The following ANO2 variants were observed in gnomAD, a reference collection of about 807,000 sequenced individuals.
The protein encoded by ANO2 is anoctamin 2.
A neutral mutation model predicts 124.2 loss-of-function variants in ANO2; 101 were observed. That is an observed-to-expected ratio of 0.81 (90% CI 0.69 to 0.96). The LOEUF is 0.96. Ranked by LOEUF, ANO2 falls within the 40% of genes least tolerant of loss-of-function variation. The pLI is 0.00. For missense variants in ANO2, 1,293 were observed against 1,274.5 expected (o/e 1.01, Z -0.22); for synonymous variants, 486 against 482.5 (o/e 1.01, Z -0.09).
chr12:5,902,021 G>T (rs1940247256), intron 3 of ANO2, among the ~76,000 whole-genome samples: 1 of 152,198 alleles, frequency 6.6e-6, no homozygotes, highest in Non-Finnish European at 1.5e-5. Context: ...GATACTGCAT[G>T]AGCGAGCAAA....
intron 3 of ANO2, among the ~76,000 whole-genome samples, chr12:5,865,667 G>A (rs530771583): frequency 5.9e-5 from 8 of 134,816 alleles, no homozygotes; most frequent in South Asian, 2.4e-4. Context: ...TCACGCTATC[G>A]TGCATTCACA....
intron 14 of ANO2, among the ~76,000 whole-genome samples, chr12:5,712,951 A>C (rs752741881): frequency 2.0e-5 from 3 of 152,202 alleles, no homozygotes; most frequent in Admixed American, 6.5e-5. Context: ...TTGTGGGTAA[A>C]GCCAAGAAAT....
intron 20 of ANO2, among the ~76,000 whole-genome samples, chr12:5,594,164 A>T (rs1173347957): frequency 6.6e-6 from 1 of 152,210 alleles, no homozygotes; most frequent in African/African-American, 2.4e-5. Context: ...TCTTCCAGAT[A>T]AGATTGCATC....
intron 4 of ANO2, among the ~76,000 whole-genome samples, chr12:5,841,078 C>G (rs1954498751): frequency 6.6e-6 from 1 of 152,204 alleles, no homozygotes; most frequent in African/African-American, 2.4e-5. Context: ...GCTCTCCCCG[C>G]CAGGTGGTGC....
intron 19 of ANO2, among the ~76,000 whole-genome samples, chr12:5,600,437 A>G (rs571834905): frequency 6.6e-6 from 1 of 152,228 alleles, no homozygotes; most frequent in African/African-American, 2.4e-5. Context: ...GCCTGAGCAG[A>G]CTAAGACAAC....
chr12:5,844,369 G>T (rs189441176), intron 4 of ANO2, among the ~76,000 whole-genome samples: 1 of 152,138 alleles, frequency 6.6e-6, no homozygotes, highest in East Asian at 1.9e-4. Context: ...GGCACCACAG[G>T]CAAAGTGTAC....
intron 14 of ANO2, among the ~76,000 whole-genome samples, chr12:5,657,476 T>C (rs1334260716): frequency 1.4e-5 from 2 of 143,788 alleles, no homozygotes; most frequent in African/African-American, 2.6e-5. Context: ...TGTGAAGAAG[T>C]GCAATATACT....
At chr12:5,734,150 A>G (rs553330271) in intron 13 of ANO2, among the ~76,000 whole-genome samples, 1 of 152,318 alleles carries the variant, frequency 6.6e-6, no homozygotes, top group African/African-American at 2.4e-5. Flanking sequence ...AAACACTAGA[A>G]CGTATCGACT....
At chr12:5,735,157 G>T (rs1201825283) in intron 13 of ANO2, among the ~76,000 whole-genome samples, 1 of 152,110 alleles carries the variant, frequency 6.6e-6, no homozygotes, top group Non-Finnish European at 1.5e-5. Flanking sequence ...CAGCCCCCGG[G>T]AGGGCTGCTT....
At chr12:5,875,696 G>A (rs574068243) in intron 3 of ANO2, among the ~76,000 whole-genome samples, 30 of 152,296 alleles carry the variant, frequency 2.0e-4, no homozygotes, top group Admixed American at 1.6e-3. Flanking sequence ...TTGTGATTAA[G>A]TGCAATGATC....
At chr12:5,629,130 C>T (rs149385626) in intron 16 of ANO2, among the ~76,000 whole-genome samples, 1 of 152,254 alleles carries the variant, frequency 6.6e-6, no homozygotes. Context: ...TGAACCCAAC[C>T]CTGTGACTTG....
chr12:5,934,741 C>T (rs1376876730), intron 1 of ANO2, among the ~76,000 whole-genome samples: 2 of 152,226 alleles, frequency 1.3e-5, no homozygotes, highest in Non-Finnish European at 2.9e-5. Context: ...GCTCTGTTTG[C>T]TCTTCCATTG....
At chr12:5,632,984 G>A (rs766449543) in intron 16 of ANO2, among the ~76,000 whole-genome samples, 1 of 151,988 alleles carries the variant, frequency 6.6e-6, no homozygotes, top group Admixed American at 6.6e-5. Flanking sequence ...GTCATGCCAC[G>A]CTCTTAAAAA....
chr12:5,596,179 A>G (rs527734255), intron 20 of ANO2, among the ~76,000 whole-genome samples: 1 of 152,332 alleles, frequency 6.6e-6, no homozygotes, highest in East Asian at 1.9e-4. Context: ...GCTCAAGATC[A>G]GCCTGAGCAA....
intron 16 of ANO2, among the ~76,000 whole-genome samples, chr12:5,621,637 C>T (rs904056162): frequency 2.0e-5 from 3 of 152,102 alleles, no homozygotes; most frequent in Non-Finnish European, 2.9e-5. Flanking sequence ...TCTTCGTGTG[C>T]CTCTCCACAG....
intron 11 of ANO2, 85 bp downstream of exon 11, chr12:5,750,751 G>A: frequency 7.3e-7 from 1 of 1,375,608 alleles, no homozygotes; most frequent in Non-Finnish European, 9.9e-7. Context: ...TTTGGAAAGA[G>A]GCATGTGAAA....
At chr12:5,739,183 C>T (rs1026211177) in intron 13 of ANO2, 134 bp downstream of exon 13, 22 of 875,552 alleles carry the variant, frequency 2.5e-5, no homozygotes, top group Non-Finnish European at 3.5e-5. Flanking sequence ...AGCCAAGCTA[C>T]ACAGGCAGCC....
At chr12:5,943,386 T>C (rs991021853) in intron 1 of ANO2, among the ~76,000 whole-genome samples, 1 of 152,010 alleles carries the variant, frequency 6.6e-6, no homozygotes, top group African/African-American at 2.4e-5. Flanking sequence ...GAGGCCATTA[T>C]TGTAAGTGAA....
intron 19 of ANO2, among the ~76,000 whole-genome samples, chr12:5,600,940 T>C (rs541228639): frequency 1.3e-5 from 2 of 152,334 alleles, no homozygotes; most frequent in African/African-American, 4.8e-5. Context: ...AAAGTGCCTC[T>C]AACAGCTAAT....
Sources: gnomAD v4.1 joint callset for allele counts (sites outside exome capture counted in the v4.1 genomes callset) on GRCh38, gnomAD v4.1.1 for gene constraint, MANE v1.5 for transcripts, NCBI Gene and HGNC (gene_info 2026-07-23, HGNC 2026-07-21) for gene names.